The following ADCY4 variants were observed in gnomAD, a reference collection of about 807,000 sequenced individuals.
ADCY4 encodes adenylate cyclase type 4.
Under a neutral mutation model 125.5 loss-of-function variants are expected in ADCY4, and 111 were observed. The observed-to-expected ratio is 0.88, with a 90% CI of 0.76 to 1.04. ADCY4 has a LOEUF of 1.04. ADCY4 is among the 50% of genes least tolerant of loss of function. The pLI, the probability that ADCY4 is intolerant of heterozygous loss-of-function variation, is 0.00. For synonymous variants in ADCY4, 576 were observed against 586.9 expected (o/e 0.98, Z 0.27); for missense variants, 1,256 against 1,382.9 (o/e 0.91, Z 1.46).
In ADCY4 at chr14:24,329,220, AT is replaced by A. The variant is rs765926270; in HGVS notation, c.1364del (p.Asp455ValfsTer23). ...LVIDPRAEEE[D>X]EKGTAGGLLS... Reference sequence around the variant, plus strand: ...GCAAGCCTCCTGCAGTGCCCTTCTCATCCTCCTCCTCTGCCTGGGGCACATA... The same window carrying A: ...GCAAGCCTCCTGCAGTGCCCTTCTCACCTCCTCCTCTGCCTGGGGCACATA... On this transcript the variant is annotated frameshift_variant, in exon 10 of 25. Transcript: ENST00000418030. LOFTEE classifies it high-confidence loss of function. 1.2e-6 allele frequency: 2 copies of A among 1,613,520 alleles called. No individual in the cohort carries two copies. The highest frequency in any genetic ancestry group is 2.7e-5 in the African/African-American group (2 of 74,844).
intron 14 of ADCY4, among the ~76,000 whole-genome samples, chr14:24,324,609 T>C (rs959131143): frequency 6.6e-5 from 10 of 151,946 alleles, no homozygotes; most frequent in African/African-American, 2.4e-4. Context: ...CAGGGACCCA[T>C]ATGGTGGGGA....
chr14:24,329,850 T>C lies in ADCY4; in HGVS notation c.1217+10A>G, dbSNP rs763685946. 1 of 1,611,240 alleles carries C rather than the reference T, an allele frequency of 6.2e-7. No individual in the cohort carries two copies. Among genetic ancestry groups the C allele is most frequent in the Non-Finnish European group, 8.5e-7 (1 of 1,178,186 alleles). ...CTTCTGCTGTAGCTGCCTAGGGCCC[T>C]AGGTCTCACCCTGGTACACCGCCTG... On this transcript the variant is annotated intron_variant, in intron 8 of 24. Coordinates refer to ENST00000418030, the MANE Select transcript of ADCY4 (RefSeq NM_001198568.2).
At chr14:24,330,477 C>T in intron 6 of ADCY4, 182 bp from the exon 7 acceptor site, 1 of 802,884 alleles carries the variant, frequency 1.2e-6, no homozygotes, top group South Asian at 1.9e-5. Context: ...TCATACAGAT[C>T]TCTTTCTCAG....
At chr14:24,328,658 C>T (rs566915093) in intron 10 of ADCY4, 5 of 195,680 alleles carry the variant, frequency 2.6e-5, no homozygotes, top group South Asian at 8.8e-5. Flanking sequence ...CAGCGCAGCC[C>T]GACATTCGGG....
intron 20 of ADCY4, 93 bp downstream of exon 20, chr14:24,321,973 G>A: frequency 6.7e-7 from 1 of 1,482,644 alleles, no homozygotes; most frequent in Non-Finnish European, 9.0e-7. Context: ...CCCTTCTGGG[G>A]GTTCTAGAGA....
chr14:24,333,107 C>G (rs2042073033), intron 1 of ADCY4, 119 bp from the exon 2 acceptor site: 2 of 1,031,918 alleles, frequency 1.9e-6, no homozygotes, highest in South Asian at 4.3e-5. Context: ...AGCCTAAGTA[C>G]GAAAAGGAGG....
In ADCY4 at chr14:24,325,441, A is replaced by C; in HGVS notation, c.1759T>G (p.Tyr587Asp). The change falls in exon 14 of 25, where the codon TAT (tyrosine) becomes GAT (aspartate). Residue 587 changes from tyrosine (Y) to aspartate (D), a missense_variant. Transcript: ENST00000418030. The stretch of plus-strand genomic sequence containing the variant: ...AAAACCAGGAAGGTGCAGGCTTCAT[A>C]GTATTTGAAGGCGGGGATTGCAGAG... The part of the protein sequence containing the change: ...RLSAIPAFKY[Y>D]EACTFLVFLS... 6.2e-7 allele frequency: 1 copy of C among 1,613,838 alleles called. No individual in the cohort carries two copies. Among genetic ancestry groups the C allele is most frequent in the South Asian group, 1.1e-5 (1 of 91,070 alleles).
At chr14:24,322,316 C>T in intron 19 of ADCY4, 92 bp from the exon 20 acceptor site, 1 of 1,403,754 alleles carries the variant, frequency 7.1e-7, no homozygotes, top group South Asian at 1.3e-5. Flanking sequence ...TGCCTGAAAC[C>T]ACCCCCACCC....
At chr14:24,332,416 G>C in intron 3 of ADCY4, 106 bp downstream of exon 3, 8 of 1,311,390 alleles carry the variant, frequency 6.1e-6, no homozygotes, top group Non-Finnish European at 8.3e-6. Context: ...CCTGCGCCCA[G>C]CGTTGCACCT....
rs1417730717 is a variant in ADCY4, at chr14:24,319,431, G to C, written c.2739C>G (p.Leu913=). Reference sequence around the variant, plus strand: ...CCACCCCACTGAACTTGGGCTTGGAGAGCAGCTGTATATAGAGAAGAGTCC... The same window carrying C: ...CCACCCCACTGAACTTGGGCTTGGACAGCAGCTGTATATAGAGAAGAGTCC... The part of the protein sequence containing the change: ...NEIIADFDEL[L]SKPKFSGVEK... The change falls in exon 22 of 25, where the codon CTC becomes CTG. Residue 913 remains leucine (L), a synonymous_variant. Transcript: ENST00000418030. This position sits in a 1 kb window ranked among gnomAD's most constrained non-coding sequence, Gnocchi z 4.5. 6.2e-7 allele frequency: 1 copy of C among 1,614,198 alleles called. No homozygotes were observed.
rs918930290 is a variant in ADCY4, at chr14:24,329,064, G to A, written c.1521C>T (p.Leu507=). 6.2e-7 allele frequency: 1 copy of A among 1,613,404 alleles called. No individual in the cohort carries two copies. Residue 507 remains leucine, a synonymous_variant, in exon 10 of 25, where the codon CTC becomes CTT. Coordinates refer to ENST00000418030, the MANE Select transcript of ADCY4 (RefSeq NM_001198568.2). ...GDSPVSTSTP[L]PEKTLASFST... is the part of the protein sequence containing the mutation. ...CTCAGGATGAAGGTGCACATACCGG[G>A]AGAGGGGTGGAGGTGGACACAGGGC... is the stretch of plus-strand genomic sequence containing the variant.
At chr14:24,329,744 G>A in intron 8 of ADCY4, 116 bp downstream of exon 8, 1 of 1,487,784 alleles carries the variant, frequency 6.7e-7, no homozygotes. Flanking sequence ...GCCCCATATG[G>A]GACTTATCTT....
chr14:24,325,775 T>C, intron 13 of ADCY4, 43 bp downstream of exon 13: 1 of 1,568,626 alleles, frequency 6.4e-7, no homozygotes, highest in Non-Finnish European at 8.7e-7. Flanking sequence ...ACCAAGGAAC[T>C]AAAGTTGGGA....
In ADCY4 at chr14:24,326,662, C is replaced by T. The variant is rs1332531152; in HGVS notation, c.1525-320G>A. 4.6e-5 allele frequency: 14 copies of T among 305,156 alleles called. No homozygotes were observed. In the South Asian group the frequency reaches 4.7e-4, roughly 10 times the overall value. 18.9% of individuals were successfully genotyped at this position (305,156 alleles called of 1,614,324 possible). On this transcript the variant is annotated intron_variant, in intron 10 of 24. Coordinates refer to ENST00000418030, the MANE Select transcript of ADCY4 (RefSeq NM_001198568.2). ...AGGCTGGAGTGCAATGGCATGATCT[C>T]GGCTCACCACAACTTCCACCTCCCA...
At chr14:24,325,645 C>A (rs1434447745) in intron 13 of ADCY4, among the ~76,000 whole-genome samples, 171 bp from the exon 14 acceptor site, 1 of 150,774 alleles carries the variant, frequency 6.6e-6, no homozygotes, top group Non-Finnish European at 1.5e-5. Context: ...CTCCCCCTAC[C>A]ATCTAGTAGC....
At chr14:24,325,192 C>G (rs956743133) in intron 14 of ADCY4, among the ~76,000 whole-genome samples, 185 bp downstream of exon 14, 4 of 132,762 alleles carry the variant, frequency 3.0e-5, no homozygotes, top group African/African-American at 1.4e-4. Context: ...GTAGAAAGTC[C>G]ACAGGATCTA....
chr14:24,331,926 G>A lies in ADCY4; in HGVS notation c.531C>T (p.Asn177=), dbSNP rs376126420. 1.9e-5 allele frequency: 30 copies of A among 1,562,274 alleles called. No homozygotes were observed. The highest frequency in any genetic ancestry group is 2.4e-5 in the Non-Finnish European group (27 of 1,145,698). ...RPALLPQLAA[N]AVLFLCGNVA... is the part of the protein sequence containing the mutation. ...CGTTCCCGCACAGGAACAGCACTGC[G>A]TTTGCTGCCAACTGTGGGTGAAGGC... Residue 177 remains asparagine, a synonymous_variant, in exon 4 of 25, where the codon AAC becomes AAT. Transcript: ENST00000418030.
intron 14 of ADCY4, 79 bp downstream of exon 14, chr14:24,325,298 G>T: frequency 3.3e-6 from 4 of 1,230,348 alleles, no homozygotes; most frequent in South Asian, 2.5e-5. Context: ...GGTGAAGGAA[G>T]AAAGTGTGGC....
Position 24,331,846 on chromosome 14 carries a change from C to T in ADCY4, c.611G>A (p.Arg204Gln), listed in dbSNP as rs779453917. Residue 204 changes from arginine to glutamine, a missense_variant, in exon 4 of 25, where the codon CGG (arginine) becomes CAG (glutamine). Arg to Gln is a conservative substitution (Grantham distance 43). Coordinates refer to ENST00000418030, the MANE Select transcript of ADCY4 (RefSeq NM_001198568.2). ...LMERALRATFREALSSLHSRR... is the reference protein window; with the variant it reads ...LMERALRATFQEALSSLHSRR... ...TGAGTGCAGGGAGCTGAGTGCCTCC[C>T]GGAACGTGGCCCGCAGGGCGCGCTC... 54 of 1,603,754 alleles carry T rather than the reference C, an allele frequency of 3.4e-5. No homozygotes were observed. The highest frequency in any genetic ancestry group is 4.2e-5 in the Non-Finnish European group (49 of 1,172,552).
Sources: gnomAD v4.1 joint callset for allele counts (sites outside exome capture counted in the v4.1 genomes callset) on GRCh38, gnomAD v4.1.1 for gene constraint, Gnocchi (gnomAD v3.1) non-coding constraint, MANE v1.5 for transcripts, NCBI Gene and HGNC (gene_info 2026-07-23, HGNC 2026-07-21) for gene names.